SNTG2: variants seen among roughly 807,000 people sequenced by gnomAD.
The protein encoded by SNTG2 is syntrophin gamma 2.
In SNTG2, 74 loss-of-function variants were observed where a neutral mutation model predicts 70.9. The ratio of observed to expected loss-of-function variants is 1.04; its 90% confidence interval spans 0.86 to 1.27. The LOEUF is 1.27. SNTG2 is among the 50% of genes most tolerant of loss of function. The pLI is 0.00. For synonymous variants in SNTG2, 278 were observed against 273.8 expected, an observed-to-expected ratio of 1.02 and a Z score of -0.15; for missense variants, 717 against 690.7, an observed-to-expected ratio of 1.04 and a Z score of -0.43.
chr2:1,263,139 C>T (rs1235555388), intron 13 of SNTG2, among the ~76,000 whole-genome samples: 1 of 152,192 alleles, frequency 6.6e-6, no homozygotes, highest in East Asian at 1.9e-4. Flanking sequence ...TCCATTACAA[C>T]ACTGAGTTCA....
chr2:1,306,553 C>A (rs573014852), intron 14 of SNTG2, among the ~76,000 whole-genome samples: 1 of 152,274 alleles, frequency 6.6e-6, no homozygotes, highest in African/African-American at 2.4e-5. Context: ...AGCGGGGGGA[C>A]AGTGGAGGTC....
chr2:1,084,927 C>T (rs768035177), intron 2 of SNTG2, among the ~76,000 whole-genome samples: 3 of 152,198 alleles, frequency 2.0e-5, no homozygotes, highest in Non-Finnish European at 4.4e-5. Flanking sequence ...AGTCACCTCC[C>T]ACAGCCCACA....
chr2:1,121,333 CAAG>C (rs751557918), intron 4 of SNTG2, among the ~76,000 whole-genome samples: 5 of 151,448 alleles, frequency 3.3e-5, no homozygotes, highest in Non-Finnish European at 5.9e-5. Context: ...CATTAAGCCT[CAAG>C]AAATGAGATA....
intron 1 of SNTG2, among the ~76,000 whole-genome samples, chr2:1,050,893 A>G (rs1054458780): frequency 6.6e-6 from 1 of 152,186 alleles, no homozygotes; most frequent in Non-Finnish European, 1.5e-5. Flanking sequence ...CACATCTTTC[A>G]TTAGATTTAT....
At position 1,230,111 on chromosome 2, in the gene SNTG2, C is replaced by T. The variant is rs546551037; in HGVS notation, c.720-7777C>T. ...GTGGGAGCCCAGGCAGAGGAGGCGC[C>T]GAGAGCGAGCGAGGGCTGTGAGTAC... On this transcript the variant is annotated intron_variant, in intron 9 of 16. Coordinates refer to ENST00000308624, the MANE Select transcript of SNTG2 (RefSeq NM_018968.4). 1.5e-3 allele frequency among the ~76,000 whole-genome samples: 226 copies of T among 152,330 alleles called. 1 individual carries two copies. The highest frequency in any genetic ancestry group is 5.2e-3 in the African/African-American group (218 of 41,584).
At chr2:982,467 G>A (rs1475520097) in intron 1 of SNTG2, among the ~76,000 whole-genome samples, 3 of 152,172 alleles carry the variant, frequency 2.0e-5, no homozygotes, top group African/African-American at 2.4e-5. Flanking sequence ...TGAAAACACC[G>A]GAGACTCTGC....
chr2:1,154,276 C>T (rs7565726), intron 6 of SNTG2, among the ~76,000 whole-genome samples: 129,658 of 151,634 alleles, frequency 0.86, 55,809 homozygotes, highest in Middle Eastern at 0.95. Context: ...GCAGCTGAGG[C>T]GCTGGCACGG....
At chr2:1,054,600 G>A (rs1285528911) in intron 1 of SNTG2, among the ~76,000 whole-genome samples, 1 of 152,110 alleles carries the variant, frequency 6.6e-6, no homozygotes, top group Non-Finnish European at 1.5e-5. Context: ...CCACAGAGCC[G>A]CCTTGGTGAT....
intron 1 of SNTG2, among the ~76,000 whole-genome samples, chr2:951,868 A>G (rs1042113054): frequency 2.6e-5 from 4 of 151,994 alleles, no homozygotes; most frequent in African/African-American, 9.7e-5. Context: ...CCACTCCTTT[A>G]GGATTCCTTC....
chr2:1,261,926 T>C (rs142060265), intron 13 of SNTG2, among the ~76,000 whole-genome samples: 12 of 152,308 alleles, frequency 7.9e-5, no homozygotes, highest in African/African-American at 2.9e-4. Flanking sequence ...AATCCCGCTC[T>C]ATTCCACGTG....
intron 1 of SNTG2, among the ~76,000 whole-genome samples, chr2:1,007,562 G>T (rs147766025): frequency 1.1e-4 from 16 of 152,314 alleles, no homozygotes; most frequent in African/African-American, 3.8e-4. Flanking sequence ...AGGCATAGTA[G>T]ACAAGGTGAG....
At chr2:1,007,944 G>A (rs1659620551) in intron 1 of SNTG2, among the ~76,000 whole-genome samples, 4 of 152,026 alleles carry the variant, frequency 2.6e-5, no homozygotes, top group Non-Finnish European at 5.9e-5. Flanking sequence ...TAGTAGAGAC[G>A]GGGTTTCACC....
chr2:963,910 T>C (rs1660441126), intron 1 of SNTG2, among the ~76,000 whole-genome samples: 1 of 151,978 alleles, frequency 6.6e-6, no homozygotes, highest in Admixed American at 6.5e-5. Flanking sequence ...CATTTTCTTC[T>C]TTTTGTTTCT....
intron 4 of SNTG2, among the ~76,000 whole-genome samples, chr2:1,135,677 G>A (rs775106617): frequency 1.3e-5 from 2 of 152,164 alleles, no homozygotes; most frequent in Non-Finnish European, 2.9e-5. Flanking sequence ...AGCCAGGGTC[G>A]CGCCACTGCA....
intron 4 of SNTG2, among the ~76,000 whole-genome samples, chr2:1,114,296 C>T (rs1045659594): frequency 2.8e-4 from 43 of 151,716 alleles, no homozygotes; most frequent in African/African-American, 1.0e-3. Flanking sequence ...TTAAACCTTA[C>T]AGTCCTTTGA....
intron 1 of SNTG2, among the ~76,000 whole-genome samples, chr2:975,753 A>G (rs1182141108): frequency 6.6e-6 from 1 of 152,252 alleles, no homozygotes; most frequent in African/African-American, 2.4e-5. Context: ...GAGTTTAGCT[A>G]TGTAACTTTT....
chr2:1,251,230 A>G (rs1042022025), intron 12 of SNTG2, among the ~76,000 whole-genome samples: 4 of 152,230 alleles, frequency 2.6e-5, no homozygotes, highest in African/African-American at 9.6e-5. Context: ...TCCATCCAAA[A>G]TGGTCATTGA....
intron 9 of SNTG2, among the ~76,000 whole-genome samples, chr2:1,221,431 CTCTCTG>C (rs1211395262): frequency 1.5e-4 from 20 of 134,016 alleles, no homozygotes; most frequent in African/African-American, 2.5e-4. Context: ...GTCTCTGTCT[CTCTCTG>C]TCTCTGTCTC....
intron 16 of SNTG2, among the ~76,000 whole-genome samples, chr2:1,365,474 T>TG (rs1294147650): frequency 6.6e-6 from 1 of 152,096 alleles, no homozygotes; most frequent in Non-Finnish European, 1.5e-5. Flanking sequence ...CACTAGGAGG[T>TG]TGGGGGCAGC....
Sources: allele counts gnomAD v4.1 joint callset (sites outside exome capture counted in the v4.1 genomes callset), GRCh38; gene constraint gnomAD v4.1.1; transcripts MANE v1.5; gene names NCBI Gene and HGNC (gene_info 2026-07-23, HGNC 2026-07-21).